PDE4D: variants seen among roughly 807,000 people sequenced by gnomAD.
PDE4D encodes the protein 3',5'-cyclic-AMP phosphodiesterase 4D.
A neutral mutation model predicts 87.4 loss-of-function variants in PDE4D; 24 were observed. The observed-to-expected ratio is 0.27, with a 90% CI of 0.20 to 0.39. PDE4D has a LOEUF of 0.39. Among genes scored for constraint, PDE4D ranks in the 10% least tolerant of loss-of-function variants. The probability of loss-of-function intolerance (pLI) is 1.00; values close to 1 mark genes in which losing one functional copy is unlikely to be tolerated. For missense variants in PDE4D, 714 were observed against 1,041.0 expected (o/e 0.69, Z 4.32); for synonymous variants, 384 against 383.2 (o/e 1.00, Z -0.02).
intron 1 of PDE4D, among the ~76,000 whole-genome samples, chr5:59,599,784 T>C (rs915604301): frequency 6.6e-6 from 1 of 152,184 alleles, no homozygotes; most frequent in African/African-American, 2.4e-5. Context: ...TGGGTTGCTC[T>C]TCCCCTTCCT....
chr5:59,010,592 G>A (rs1909294), intron 6 of PDE4D, among the ~76,000 whole-genome samples: 15,341 of 151,946 alleles, frequency 0.1, 1,040 homozygotes, highest in Non-Finnish European at 0.13. Flanking sequence ...ATCGAATAGC[G>A]AATGAGTATC....
In PDE4D at chr5:59,325,567, G is replaced by T. The variant is rs1289498181; in HGVS notation, c.456-109599C>A. On this transcript the variant is annotated intron_variant, in intron 1 of 14. Transcript: ENST00000340635. Reference sequence around the variant, plus strand: ...AATGTAAGATAATATGGATAACCAAGATTATTGCTTGAGCATATTCTTTAA... The same window carrying T: ...AATGTAAGATAATATGGATAACCAATATTATTGCTTGAGCATATTCTTTAA... 2.0e-5 allele frequency among the ~76,000 whole-genome samples: 3 copies of T among 152,150 alleles called. No individual in the cohort carries two copies. In the East Asian group the frequency reaches 5.8e-4, roughly 29 times the overall value.
At chr5:60,170,245 T>C (rs1783292583) in intron 2 of PDE4D, among the ~76,000 whole-genome samples, 1 of 152,018 alleles carries the variant, frequency 6.6e-6, no homozygotes, top group African/African-American at 2.4e-5. Flanking sequence ...TTCATAACAA[T>C]CCTATGATGT....
chr5:59,404,286 G>A (rs1022358406), intron 1 of PDE4D, among the ~76,000 whole-genome samples: 54 of 152,022 alleles, frequency 3.6e-4, no homozygotes, highest in African/African-American at 1.0e-3. Context: ...CCTTTGCTAC[G>A]CAGGTATTTT....
intron 1 of PDE4D, among the ~76,000 whole-genome samples, chr5:60,485,360 A>C (rs912366428): frequency 6.6e-6 from 1 of 151,576 alleles, no homozygotes; most frequent in Admixed American, 6.6e-5. Flanking sequence ...AAAACGTTGG[A>C]GGGAAGAGCA....
chr5:60,109,632 C>T lies in PDE4D; in HGVS notation c.42+75925G>A, dbSNP rs187060665. On this transcript the variant is annotated intron_variant, in intron 2 of 16. Transcript: ENST00000502484. ...AACCCAAATGTCCAACAATGATAGACTGGATTAAGAAAATGTGGCACATAT... is the reference window on the plus strand; with the variant it reads ...AACCCAAATGTCCAACAATGATAGATTGGATTAAGAAAATGTGGCACATAT... Among the ~76,000 whole-genome samples the T allele has an allele frequency of 5.0e-3, 766 of 152,164 alleles. 5 individuals carry two copies. Among genetic ancestry groups the T allele is most frequent in the African/African-American group, 0.018 (733 of 41,486 alleles).
chr5:60,318,352 T>C (rs919411989), intron 1 of PDE4D, among the ~76,000 whole-genome samples: 1 of 152,210 alleles, frequency 6.6e-6, no homozygotes, highest in African/African-American at 2.4e-5. Flanking sequence ...TCTTCCTCCA[T>C]CCCTTTATTT....
intron 2 of PDE4D, among the ~76,000 whole-genome samples, chr5:60,154,182 T>G (rs1355601662): frequency 6.6e-6 from 1 of 152,204 alleles, no homozygotes; most frequent in Non-Finnish European, 1.5e-5. Flanking sequence ...TGAGATCATA[T>G]CAGGAGATAT....
intron 1 of PDE4D, among the ~76,000 whole-genome samples, chr5:60,485,241 T>A (rs1023123005): frequency 6.6e-6 from 1 of 152,166 alleles, no homozygotes; most frequent in African/African-American, 2.4e-5. Context: ...TCTGCTTTTT[T>A]AAAAACATGC....
At chr5:60,147,742 A>T in intron 2 of PDE4D, 1 of 455,002 alleles carries the variant, frequency 2.2e-6, no homozygotes, top group South Asian at 1.6e-5. Flanking sequence ...TTCTCGAGTC[A>T]CTCACATGGT....
intron 2 of PDE4D, among the ~76,000 whole-genome samples, chr5:59,212,444 AAT>A (rs1462197166): frequency 6.6e-6 from 1 of 152,098 alleles, no homozygotes; most frequent in Admixed American, 6.6e-5. Context: ...TTTTCAGCAA[AAT>A]ATAGTGTTGA....
chr5:59,718,977 G>A (rs1197631169), intron 1 of PDE4D, among the ~76,000 whole-genome samples: 2 of 150,606 alleles, frequency 1.3e-5, no homozygotes, highest in African/African-American at 4.9e-5. Context: ...GCTCTCTTCT[G>A]TTACAACTAA....
At chr5:59,979,527 T>G (rs993400981) in intron 3 of PDE4D, among the ~76,000 whole-genome samples, 23 of 151,720 alleles carry the variant, frequency 1.5e-4, no homozygotes, top group Non-Finnish European at 3.1e-4. Context: ...AAAGCCCTCC[T>G]GGGAATGTGG....
intron 1 of PDE4D, among the ~76,000 whole-genome samples, chr5:59,627,964 A>G (rs1160052561): frequency 6.6e-6 from 1 of 152,188 alleles, no homozygotes; most frequent in African/African-American, 2.4e-5. Flanking sequence ...CCTTAAAGAC[A>G]TGTTTCTCAA....
At chr5:59,989,462 A>AT (rs768071558) in intron 2 of PDE4D, among the ~76,000 whole-genome samples, 1 of 151,916 alleles carries the variant, frequency 6.6e-6, no homozygotes, top group African/African-American at 2.4e-5. Context: ...GAAAAGTCCT[A>AT]TTTTTTCTGC....
Position 58,997,533 on chromosome 5 carries a change from G to C in PDE4D, c.922-4068C>G, listed in dbSNP as rs528063855. On this transcript the variant is annotated intron_variant, in intron 6 of 14. Transcript: ENST00000340635. The stretch of plus-strand genomic sequence containing the variant: ...AAAACATTAAACTGCTGTTTGAAAC[G>C]AACCGATTGTAAAATGCAGAACCAT... Among the ~76,000 whole-genome samples, 47 of 152,100 alleles carry C rather than the reference G, an allele frequency of 3.1e-4. No individual in the cohort carries two copies. The South Asian group carries it at 7.7e-3, about 25-fold the overall frequency.
intron 1 of PDE4D, among the ~76,000 whole-genome samples, chr5:59,755,612 A>C (rs1761103805): frequency 6.6e-6 from 1 of 152,134 alleles, no homozygotes; most frequent in South Asian, 2.1e-4. Flanking sequence ...CCTGCAATTC[A>C]TATATATTTT....
chr5:59,507,679 A>AAAAAAAAG lies in PDE4D; in HGVS notation c.456-291712_456-291711insCTTTTTTT, dbSNP rs61334148. On this transcript the variant is annotated intron_variant, in intron 1 of 14. Transcript: ENST00000340635. ...TACCCTGTCTCAAAAAAAAAAAAAA[A>AAAAAAAAG]AAAAGAAAAGAAAAGAAAAAAGAAA... is the stretch of plus-strand genomic sequence containing the variant. Among the ~76,000 whole-genome samples, 67 of 118,718 alleles carry AAAAAAAAG rather than the reference A, an allele frequency of 5.6e-4. 1 individual carries two copies. Among genetic ancestry groups the AAAAAAAAG allele is most frequent in the African/African-American group, 2.2e-3 (64 of 28,606 alleles). The allele number at this position is 118,718 out of a possible 152,430, so 77.9% of individuals were successfully genotyped here.
intron 6 of PDE4D, among the ~76,000 whole-genome samples, chr5:59,005,563 G>T (rs1751434906): frequency 6.6e-6 from 1 of 152,162 alleles, no homozygotes; most frequent in Non-Finnish European, 1.5e-5. Flanking sequence ...ATTTAGAAGA[G>T]AAATTTGAAT....
Sources: gnomAD v4.1 joint callset for allele counts (sites outside exome capture counted in the v4.1 genomes callset) on GRCh38, gnomAD v4.1.1 for gene constraint, MANE v1.5 for transcripts, NCBI Gene and HGNC (gene_info 2026-07-23, HGNC 2026-07-21) for gene names.